Variants in HSPA9 observed in about 807,000 individuals in gnomAD.
HSPA9 encodes heat shock protein family A (Hsp70) member 9.
In HSPA9, 28 loss-of-function variants were observed where a neutral mutation model predicts 81.5. The observed-to-expected ratio is 0.34, with a 90% confidence interval of 0.25 to 0.47. The LOEUF is 0.47. Ranked by LOEUF, HSPA9 falls within the 20% of genes least tolerant of loss-of-function variation. The pLI is 1.00. For synonymous variants in HSPA9, 293 were observed against 290.4 expected (o/e 1.01, Z -0.09); for missense variants, 678 against 838.0 (o/e 0.81, Z 2.36).
chr5:138,557,794 T>A (rs1220329044), intron 13 of HSPA9, 75 bp downstream of exon 13: 1 of 882,128 alleles, frequency 1.1e-6, no homozygotes, highest in African/African-American at 1.6e-5. Context: ...CAAAGAGGAC[T>A]CATCATTCTA....
chr5:138,557,990 A>C lies in HSPA9; in HGVS notation c.1516-4T>G. 1 of 1,569,086 alleles carries C rather than the reference A, an allele frequency of 6.4e-7. No homozygotes were observed. The highest frequency in any genetic ancestry group is 8.8e-7 in the Non-Finnish European group (1 of 1,139,592). ...GAGGGGCTGGTGGAATTCCAATCTA[A>C]AATAAATAATATCCAGAGTAAGGTC... On this transcript the variant is annotated splice_region_variant and splice_polypyrimidine_tract_variant and intron_variant, in intron 12 of 16. Coordinates refer to ENST00000297185, the MANE Select transcript of HSPA9 (RefSeq NM_004134.7).
At chr5:138,573,647 A>G in intron 3 of HSPA9, 116 bp downstream of exon 3, 1 of 336,000 alleles carries the variant, frequency 3.0e-6, no homozygotes, top group South Asian at 6.0e-5. Flanking sequence ...TCTCCAAAAA[A>G]AAAAAAAAAA....
chr5:138,572,828 T>C (rs1319523705), intron 3 of HSPA9, among the ~76,000 whole-genome samples: 2 of 152,142 alleles, frequency 1.3e-5, no homozygotes, highest in African/African-American at 2.4e-5. Context: ...TAGAAGTAGA[T>C]ATAATTCTCC....
Position 138,570,986 on chromosome 5 carries a change from A to G in HSPA9, c.384T>C (p.Tyr128=), listed in dbSNP as rs759725677. Residue 128 remains tyrosine (Y), a synonymous_variant, in exon 4 of 17, where the codon TAT becomes TAC. Transcript: ENST00000297185. ...YATKRLIGRR[Y]DDPEVQKDIK... ...TGTCTTTCTGTACTTCAGGATCATC[A>G]TATCGCCGGCCAATGAGACGCTTGG... 7 of 1,614,054 alleles carry G rather than the reference A, an allele frequency of 4.3e-6. No homozygotes were observed. Among genetic ancestry groups the G allele is most frequent in the African/African-American group, 2.7e-5 (2 of 74,910 alleles).
chr5:138,574,238 A>T (rs1751317400), intron 1 of HSPA9, 112 bp from the exon 2 acceptor site: 2 of 751,022 alleles, frequency 2.7e-6, no homozygotes, highest in Middle Eastern at 2.3e-4. Flanking sequence ...AAAACAGTAA[A>T]TATTAAAGTT....
chr5:138,574,266 G>T (rs537243344), intron 1 of HSPA9, 140 bp from the exon 2 acceptor site: 1 of 684,846 alleles, frequency 1.5e-6, no homozygotes, highest in African/African-American at 1.8e-5. Context: ...TAAGTAAGAC[G>T]AAAAAAGGTA....
chr5:138,569,132 C>A (rs1750826251), intron 4 of HSPA9, 83 bp from the exon 5 acceptor site: 2 of 1,343,446 alleles, frequency 1.5e-6, no homozygotes, highest in African/African-American at 2.9e-5. Flanking sequence ...GAACATCCAT[C>A]TTCCACCCCA....
At chr5:138,565,353 T>C (rs893965433) in intron 9 of HSPA9, among the ~76,000 whole-genome samples, 1 of 152,052 alleles carries the variant, frequency 6.6e-6, no homozygotes, top group Non-Finnish European at 1.5e-5. Context: ...TGTGTATAAC[T>C]ATGTCACTCC....
chr5:138,560,932 C>A, intron 10 of HSPA9: 1 of 353,740 alleles, frequency 2.8e-6, no homozygotes, highest in Non-Finnish European at 5.6e-6. Flanking sequence ...TGCATATTTC[C>A]TTAAGGCCAT....
At chr5:138,564,896 G>A (rs1047519048) in intron 9 of HSPA9, among the ~76,000 whole-genome samples, 3 of 152,122 alleles carry the variant, frequency 2.0e-5, no homozygotes, top group African/African-American at 7.2e-5. Context: ...ATACAAGGGG[G>A]ACTTGAACCC....
chr5:138,553,834 C>G lies in HSPA9; in HGVS notation c.*2203G>C, dbSNP rs1387246018. 6.6e-6 allele frequency among the ~76,000 whole-genome samples: 1 copy of G among 152,202 alleles called. No individual in the cohort carries two copies. Among genetic ancestry groups the G allele is most frequent in the Non-Finnish European group, 1.5e-5 (1 of 68,026 alleles). ...TTTAACGGGTTAAACATTTGTCTCT[C>G]TCCAGAAGAGATTAGTATTGAATTG... On this transcript the variant is annotated 3_prime_UTR_variant, in exon 17 of 17. Coordinates refer to ENST00000297185, the MANE Select transcript of HSPA9 (RefSeq NM_004134.7).
intron 10 of HSPA9, among the ~76,000 whole-genome samples, chr5:138,561,302 T>TCATACATA (rs779772456): frequency 6.6e-6 from 1 of 152,060 alleles, no homozygotes; most frequent in Admixed American, 6.6e-5. Flanking sequence ...CCCTAATTTT[T>TCATACATA]CATACATACA....
rs1206804333 is a variant in HSPA9 at position 138,554,852 on chromosome 5, G to A, written c.*1185C>T. On this transcript the variant is annotated 3_prime_UTR_variant, in exon 17 of 17. Transcript: ENST00000297185. ...AACTACATCAGAGAATTTGGGACAAGCCAGTACACTGAGGACAGAAAAGCA... is the reference window on the plus strand; with the variant it reads ...AACTACATCAGAGAATTTGGGACAAACCAGTACACTGAGGACAGAAAAGCA... The A allele has an allele frequency of 6.6e-6, 1 of 152,204 alleles. No homozygotes were observed. Among genetic ancestry groups the A allele is most frequent in the Admixed American group, 6.5e-5 (1 of 15,274 alleles). 9.4% of individuals were successfully genotyped at this position (152,204 alleles called of 1,614,324 possible).
chr5:138,571,159 GAT>G lies in HSPA9; in HGVS notation c.229-20_229-19del. On this transcript the variant is annotated intron_variant, in intron 3 of 16. Coordinates refer to ENST00000297185, the MANE Select transcript of HSPA9 (RefSeq NM_004134.7). Reference sequence around the variant, plus strand: ...TCCAGCACCTAAACTCCCAAAATGTGATAGAGAGTAAGTTTGTAGTTATCACT... The same window carrying G: ...TCCAGCACCTAAACTCCCAAAATGTGAGAGAGTAAGTTTGTAGTTATCACT... 1 of 1,612,146 alleles carries G rather than the reference GAT, an allele frequency of 6.2e-7. No homozygotes were observed. The highest frequency in any genetic ancestry group is 8.5e-7 in the Non-Finnish European group (1 of 1,179,258).
At chr5:138,567,937 C>T (rs1750799913) in intron 5 of HSPA9, among the ~76,000 whole-genome samples, 1 of 152,156 alleles carries the variant, frequency 6.6e-6, no homozygotes, top group Non-Finnish European at 1.5e-5. Flanking sequence ...GTAATCCCAG[C>T]ACTTTGGGAG....
intron 5 of HSPA9, 59 bp from the exon 6 acceptor site, chr5:138,567,781 C>G: frequency 1.6e-6 from 2 of 1,239,936 alleles, no homozygotes; most frequent in South Asian, 2.5e-5. Flanking sequence ...TTAATATAGC[C>G]CAACAACCTG....
rs1221312082 is a variant in HSPA9 at position 138,554,694 on chromosome 5, T to C, written c.*1343A>G. Among the ~76,000 whole-genome samples, 1 of 152,250 alleles carries C rather than the reference T, an allele frequency of 6.6e-6. No homozygotes were observed. The highest frequency in any genetic ancestry group is 1.5e-5 in the Non-Finnish European group (1 of 68,040). ...CTAAGCCCATCTTGATAACAGACTCTTTTGAACATGGCATATGACATTCAT... is the reference window on the plus strand; with the variant it reads ...CTAAGCCCATCTTGATAACAGACTCCTTTGAACATGGCATATGACATTCAT... On this transcript the variant is annotated 3_prime_UTR_variant, in exon 17 of 17. Transcript: ENST00000297185.
At chr5:138,559,587 G>A in intron 11 of HSPA9, 1 of 411,082 alleles carries the variant, frequency 2.4e-6, no homozygotes, top group South Asian at 2.2e-5. Flanking sequence ...AAATGACTGA[G>A]ATCCCTTTTA....
At chr5:138,564,431 GCT>G (rs1750720586) in intron 9 of HSPA9, among the ~76,000 whole-genome samples, 1 of 152,148 alleles carries the variant, frequency 6.6e-6, no homozygotes, top group South Asian at 2.1e-4. Context: ...TAAGAGACCT[GCT>G]CTGTCACCCA....
Sources: gnomAD v4.1 joint callset for allele counts (sites outside exome capture counted in the v4.1 genomes callset) on GRCh38, gnomAD v4.1.1 for gene constraint, MANE v1.5 for transcripts, NCBI Gene and HGNC (gene_info 2026-07-23, HGNC 2026-07-21) for gene names.